PLXNA4: variants seen among roughly 807,000 people sequenced by gnomAD.
PLXNA4 encodes plexin A4, also known as plexin-A4.
A neutral mutation model predicts 191.8 loss-of-function variants in PLXNA4; 44 were observed. The observed-to-expected ratio is 0.23, with a 90% confidence interval of 0.18 to 0.29. The LOEUF is 0.29. Among genes scored for constraint, PLXNA4 ranks in the 10% least tolerant of loss-of-function variants. The pLI is 1.00. For missense variants in PLXNA4, 1,800 were observed against 2,488.8 expected (o/e 0.72, Z 5.89); for synonymous variants, 1,082 against 1,009.5 (o/e 1.07, Z -1.36).
chr7:132,626,511 T>G (rs1803376662), intron 2 of PLXNA4, among the ~76,000 whole-genome samples: 1 of 152,172 alleles, frequency 6.6e-6, no homozygotes, highest in South Asian at 2.1e-4. Flanking sequence ...GTGCTGTCCT[T>G]GTGATCATGA....
intron 9 of PLXNA4, among the ~76,000 whole-genome samples, chr7:132,222,375 G>T (rs1018880585): frequency 3.3e-5 from 5 of 152,206 alleles, no homozygotes; most frequent in African/African-American, 1.2e-4. Context: ...CTCCTCCCAT[G>T]AGGGTTTGGC....
At chr7:132,233,203 T>C (rs556974224) in intron 5 of PLXNA4, among the ~76,000 whole-genome samples, 1 of 152,360 alleles carries the variant, frequency 6.6e-6, no homozygotes, top group African/African-American at 2.4e-5. Context: ...TTGGTCATTG[T>C]CATCACATCT....
intron 2 of PLXNA4, among the ~76,000 whole-genome samples, chr7:132,610,309 G>C (rs1182381664): frequency 6.6e-6 from 1 of 152,204 alleles, no homozygotes; most frequent in Non-Finnish European, 1.5e-5. Context: ...TTCTCCACCA[G>C]AGCACTGGCA....
At chr7:132,147,496 C>T (rs145248209) in intron 27 of PLXNA4, among the ~76,000 whole-genome samples, 1 of 152,294 alleles carries the variant, frequency 6.6e-6, no homozygotes, top group East Asian at 1.9e-4. Flanking sequence ...CTGGTCTGTA[C>T]CTGCACTCCA....
At chr7:132,391,464 G>C (rs1361146609) in intron 3 of PLXNA4, among the ~76,000 whole-genome samples, 1 of 152,252 alleles carries the variant, frequency 6.6e-6, no homozygotes, top group Admixed American at 6.5e-5. Context: ...TCAAGGGATA[G>C]TGCAGGATCC....
chr7:132,417,495 G>T (rs936674053), intron 3 of PLXNA4, among the ~76,000 whole-genome samples: 21 of 152,186 alleles, frequency 1.4e-4, no homozygotes, highest in African/African-American at 5.1e-4. Flanking sequence ...GATAAGGAAT[G>T]AGGTAATGCT....
intron 3 of PLXNA4, among the ~76,000 whole-genome samples, chr7:132,325,369 AC>A (rs1802317890): frequency 6.6e-6 from 1 of 152,184 alleles, no homozygotes; most frequent in Non-Finnish European, 1.5e-5. Flanking sequence ...AGTCTCTAGC[AC>A]CCAAGGGCAT....
At chr7:132,405,951 C>T (rs1358753223) in intron 3 of PLXNA4, among the ~76,000 whole-genome samples, 4 of 152,166 alleles carry the variant, frequency 2.6e-5, no homozygotes, top group Non-Finnish European at 4.4e-5. Context: ...GGCCACAGCC[C>T]ACTACATTGA....
chr7:132,263,702 A>T (rs753340438), intron 4 of PLXNA4, among the ~76,000 whole-genome samples: 2 of 152,230 alleles, frequency 1.3e-5, no homozygotes, highest in African/African-American at 2.4e-5. Context: ...ACTCAAAATC[A>T]AAAGACCTGG....
chr7:132,458,897 G>A (rs747232817), intron 3 of PLXNA4, among the ~76,000 whole-genome samples: 4 of 152,142 alleles, frequency 2.6e-5, no homozygotes, highest in Admixed American at 6.5e-5. Flanking sequence ...AGAGCTGGGC[G>A]AAATGCCTAA....
chr7:132,387,849 G>A (rs1805221740), intron 3 of PLXNA4, among the ~76,000 whole-genome samples: 1 of 152,080 alleles, frequency 6.6e-6, no homozygotes, highest in African/African-American at 2.4e-5. Flanking sequence ...AGGTCTCTAT[G>A]CCCTCAGCCG....
At chr7:132,592,198 A>G (rs1157800405) in intron 2 of PLXNA4, among the ~76,000 whole-genome samples, 1 of 152,188 alleles carries the variant, frequency 6.6e-6, no homozygotes, top group Non-Finnish European at 1.5e-5. Context: ...AATTGCCCAT[A>G]TCTACATTCC....
At chr7:132,635,791 C>T (rs10268700) in intron 2 of PLXNA4, among the ~76,000 whole-genome samples, 56,952 of 150,908 alleles carry the variant, frequency 0.38, 11,342 homozygotes, top group Middle Eastern at 0.43. Flanking sequence ...CAACTAACTC[C>T]GGAAGATGTA....
chr7:132,181,194 G>A (rs1020273618), intron 18 of PLXNA4, among the ~76,000 whole-genome samples, 187 bp downstream of exon 18: 10 of 152,112 alleles, frequency 6.6e-5, no homozygotes, highest in African/African-American at 1.4e-4. Context: ...GGGTAGAACC[G>A]GCCCCTAAAG....
intron 3 of PLXNA4, among the ~76,000 whole-genome samples, chr7:132,475,534 G>GC (rs1426602384): frequency 6.6e-6 from 1 of 152,010 alleles, no homozygotes; most frequent in Non-Finnish European, 1.5e-5. Flanking sequence ...TTCTGCCCCT[G>GC]CCCCCGCACA....
chr7:132,287,667 A>T (rs1278803504), intron 4 of PLXNA4, among the ~76,000 whole-genome samples: 1 of 152,114 alleles, frequency 6.6e-6, no homozygotes, highest in Non-Finnish European at 1.5e-5. Flanking sequence ...CTCAGATGTC[A>T]GAGACTTTTG....
At chr7:132,324,295 G>C (rs1332707769) in intron 3 of PLXNA4, among the ~76,000 whole-genome samples, 1 of 152,200 alleles carries the variant, frequency 6.6e-6, no homozygotes, top group Admixed American at 6.5e-5. Flanking sequence ...TGTCCCAGCA[G>C]ATTTGCATTT....
intron 3 of PLXNA4, among the ~76,000 whole-genome samples, chr7:132,388,474 G>A (rs150301971): frequency 1.3e-5 from 2 of 152,102 alleles, no homozygotes; most frequent in East Asian, 3.9e-4. Context: ...ATTCCACCAC[G>A]ATGATAATTT....
intron 3 of PLXNA4, among the ~76,000 whole-genome samples, chr7:132,402,607 G>T (rs1368060400): frequency 1.3e-5 from 2 of 152,166 alleles, no homozygotes; most frequent in African/African-American, 4.8e-5. Flanking sequence ...CAAAAACACA[G>T]CTCCCCTCTC....
Sources: allele counts gnomAD v4.1 joint callset (sites outside exome capture counted in the v4.1 genomes callset), GRCh38; gene constraint gnomAD v4.1.1; transcripts MANE v1.5; gene names NCBI Gene and HGNC (gene_info 2026-07-23, HGNC 2026-07-21).